Variants in ITGB3BP observed in about 807,000 individuals in gnomAD.
ITGB3BP encodes integrin subunit beta 3 binding protein.
A neutral mutation model predicts 29.1 loss-of-function variants in ITGB3BP; 27 were observed. The ratio of observed to expected loss-of-function variants is 0.93; its 90% CI spans 0.68 to 1.28. The LOEUF (loss-of-function observed/expected upper bound fraction) is 1.28, where lower values mean the gene tolerates loss of function less well. ITGB3BP is among the 50% of genes most tolerant of loss of function. The probability of loss-of-function intolerance (pLI) is 0.00; values close to 1 mark genes in which losing one functional copy is unlikely to be tolerated. For missense variants in ITGB3BP, 192 were observed against 200.2 expected (o/e 0.96, Z 0.25); for synonymous variants, 61 against 61.4 (o/e 0.99, Z 0.03).
At chr1:63,447,066 A>G (rs909554314) in intron 7 of ITGB3BP, 31 of 530,846 alleles carry the variant, frequency 5.8e-5, no homozygotes, top group Non-Finnish European at 9.5e-5. Flanking sequence ...TTTCAAATTT[A>G]TTACGAAAAC....
intron 4 of ITGB3BP, among the ~76,000 whole-genome samples, chr1:63,459,466 C>G (rs376726909): frequency 6.6e-6 from 1 of 151,994 alleles, no homozygotes; most frequent in African/African-American, 2.4e-5. Flanking sequence ...CTATGATTCA[C>G]GCAGAAAAAG....
At chr1:63,494,347 G>A (rs1645737153) in intron 2 of ITGB3BP, among the ~76,000 whole-genome samples, 1 of 152,144 alleles carries the variant, frequency 6.6e-6, no homozygotes, top group African/African-American at 2.4e-5. Context: ...TCCAACTCCT[G>A]ACCTCAAATG....
chr1:63,527,537 G>A (rs1002704287), upstream of ITGB3BP, among the ~76,000 whole-genome samples: 4 of 151,916 alleles, frequency 2.6e-5, no homozygotes, highest in Non-Finnish European at 4.4e-5. Context: ...GATTATAGAT[G>A]CATGTCAGAA....
rs192135207 is a variant in ITGB3BP, at chr1:63,464,395, C to G, written c.255-9427G>C. On this transcript the variant is annotated intron_variant, in intron 4 of 8. Transcript: ENST00000271002. Reference sequence around the variant, plus strand: ...TATGATGTAGGATTAAGCAAATGTGCAAATTTATTGCTGCTCTTAGGAGAC... The same window carrying G: ...TATGATGTAGGATTAAGCAAATGTGGAAATTTATTGCTGCTCTTAGGAGAC... Among the ~76,000 whole-genome samples, 167 of 152,210 alleles carry G rather than the reference C, an allele frequency of 1.1e-3. 1 individual carries two copies. Among genetic ancestry groups the G allele is most frequent in the African/African-American group, 3.8e-3 (159 of 41,526 alleles).
intron 2 of ITGB3BP, among the ~76,000 whole-genome samples, chr1:63,496,067 A>C (rs1395422477): frequency 3.4e-5 from 5 of 149,212 alleles, no homozygotes; most frequent in African/African-American, 9.9e-5. Context: ...TCCTAAGCTT[A>C]CTCCTACTTC....
chr1:63,452,494 T>C (rs566519077), intron 7 of ITGB3BP, among the ~76,000 whole-genome samples: 1 of 152,290 alleles, frequency 6.6e-6, no homozygotes, highest in Non-Finnish European at 1.5e-5. Flanking sequence ...TCTAATCAAA[T>C]TACACAACTA....
intron 3 of ITGB3BP, among the ~76,000 whole-genome samples, chr1:63,479,564 T>A (rs1347252395): frequency 6.6e-6 from 1 of 152,150 alleles, no homozygotes; most frequent in Non-Finnish European, 1.5e-5. Flanking sequence ...TAGCTGAAAT[T>A]TTTTATCATT....
chr1:63,503,540 C>A (rs541439559), intron 2 of ITGB3BP, among the ~76,000 whole-genome samples: 68 of 152,258 alleles, frequency 4.5e-4, no homozygotes, highest in African/African-American at 1.5e-3. Flanking sequence ...TCAATTTTGT[C>A]TTTTGTTGCC....
intron 3 of ITGB3BP, among the ~76,000 whole-genome samples, chr1:63,484,325 G>A (rs1379511717): frequency 1.3e-4 from 19 of 151,746 alleles, no homozygotes. Flanking sequence ...GTGGATCTTG[G>A]AAACTGAGTG....
rs184615232 is a variant in ITGB3BP at position 63,475,929 on chromosome 1, C to T, written c.254+2835G>A. Among the ~76,000 whole-genome samples the T allele has an allele frequency of 5.5e-3, 770 of 140,110 alleles. 3 individuals are homozygous for T. The highest frequency in any genetic ancestry group is 0.012 in the Middle Eastern group (3 of 256). 91.9% of individuals were successfully genotyped at this position (140,110 alleles called of 152,430 possible). ...AGGAGAACAGCTTGAGCCCAGGAGG[C>T]GGAGGTTGCAGTGAGATGAGATTGT... On this transcript the variant is annotated intron_variant, in intron 4 of 8. Transcript: ENST00000271002.
chr1:63,502,142 A>C (rs1313558862), intron 2 of ITGB3BP, among the ~76,000 whole-genome samples: 1 of 152,188 alleles, frequency 6.6e-6, no homozygotes, highest in Non-Finnish European at 1.5e-5. Flanking sequence ...CATCGGCAAC[A>C]GTTTGTAATA....
intron 2 of ITGB3BP, among the ~76,000 whole-genome samples, chr1:63,505,491 T>C (rs1217517138): frequency 1.3e-5 from 2 of 152,032 alleles, no homozygotes; most frequent in Non-Finnish European, 2.9e-5. Context: ...TTTTGAAGGG[T>C]TTTTTGTGTC....
intron 2 of ITGB3BP, among the ~76,000 whole-genome samples, chr1:63,493,235 G>A (rs1249918671): frequency 6.6e-6 from 1 of 152,042 alleles, no homozygotes; most frequent in Admixed American, 6.6e-5. Context: ...CTGGCAACAT[G>A]GAGAAACCCT....
chr1:63,468,862 A>AAAATAAATAAATAAATAAAT (rs71045901), intron 4 of ITGB3BP, among the ~76,000 whole-genome samples: 8 of 139,380 alleles, frequency 5.7e-5, no homozygotes, highest in East Asian at 2.1e-4. Flanking sequence ...ACTCTGTCTC[A>AAAATAAATAAATAAATAAAT]AAATAAATAA....
chr1:63,486,930 T>C (rs953585994), intron 3 of ITGB3BP, among the ~76,000 whole-genome samples: 4 of 152,006 alleles, frequency 2.6e-5, no homozygotes, highest in African/African-American at 7.2e-5. Flanking sequence ...CAACAGGAGG[T>C]AGCTATGAAA....
chr1:63,466,113 A>ATATGTATC (rs1289376787), intron 4 of ITGB3BP, among the ~76,000 whole-genome samples: 1 of 152,206 alleles, frequency 6.6e-6, no homozygotes, highest in Non-Finnish European at 1.5e-5. Context: ...AGATATTTTA[A>ATATGTATC]TATGTATCTA....
chr1:63,475,988 A>G (rs1645331621), intron 4 of ITGB3BP, among the ~76,000 whole-genome samples: 1 of 129,878 alleles, frequency 7.7e-6, no homozygotes, highest in Admixed American at 7.9e-5. Context: ...ACACAGCAAG[A>G]CACTGTCTCA....
rs557749959 is a variant in ITGB3BP at position 63,492,159 on chromosome 1, A to G, written c.49-1941T>C. Among the ~76,000 whole-genome samples the G allele has an allele frequency of 2.0e-5, 3 of 150,994 alleles. No homozygotes were observed. The South Asian group carries it at 6.3e-4, about 32-fold the overall frequency. On this transcript the variant is annotated intron_variant, in intron 2 of 8. Transcript: ENST00000271002. ...CCTTGGAAACAATTTTCCAGCTTTC[A>G]GAAAATAACTCTGTGAGTGTGCATG...
At chr1:63,525,953 T>C (rs1285627626), upstream of ITGB3BP, among the ~76,000 whole-genome samples, 2 of 152,192 alleles carry the variant, frequency 1.3e-5, no homozygotes, top group Admixed American at 1.3e-4. Flanking sequence ...AAACTTTCAA[T>C]GTTTATACAA....
Sources: gnomAD v4.1 joint callset for allele counts (sites outside exome capture counted in the v4.1 genomes callset) on GRCh38, gnomAD v4.1.1 for gene constraint, MANE v1.5 for transcripts, NCBI Gene and HGNC (gene_info 2026-07-23, HGNC 2026-07-21) for gene names.